The following GABRB3 variants were observed in gnomAD, a reference collection of about 807,000 sequenced individuals.
GABRB3 encodes the protein gamma-aminobutyric acid receptor subunit beta-3.
GABRB3 carries 14 observed loss-of-function variants against 52.1 expected under a neutral mutation model. That is an observed-to-expected ratio of 0.27 (90% CI 0.18 to 0.42). GABRB3 has a LOEUF of 0.42. Among genes scored for constraint, GABRB3 ranks in the 10% least tolerant of loss-of-function variants. The probability of loss-of-function intolerance (pLI) is 1.00; values close to 1 mark genes in which losing one functional copy is unlikely to be tolerated. For synonymous variants in GABRB3, 260 were observed against 232.3 expected (o/e 1.12, Z -1.08); for missense variants, 307 against 609.1 (o/e 0.50, Z 5.22).
At chr15:26,573,906 C>A (rs1890501625) in intron 6 of GABRB3, among the ~76,000 whole-genome samples, 1 of 152,050 alleles carries the variant, frequency 6.6e-6, no homozygotes, top group Non-Finnish European at 1.5e-5. Context: ...CAAAAATTAG[C>A]TGGGCATGGT....
At chr15:26,748,186 G>T (rs1890402616) in intron 3 of GABRB3, among the ~76,000 whole-genome samples, 2 of 151,910 alleles carry the variant, frequency 1.3e-5, no homozygotes, top group Admixed American at 6.6e-5. Context: ...ATTTCCTTTA[G>T]TACACTGTCT....
At chr15:26,641,101 G>T (rs1436459772) in intron 3 of GABRB3, among the ~76,000 whole-genome samples, 1 of 152,188 alleles carries the variant, frequency 6.6e-6, no homozygotes, top group Non-Finnish European at 1.5e-5. Context: ...TTGTCCAGGA[G>T]CAAGGTTAAA....
chr15:26,642,640 A>C, intron 3 of GABRB3: 1 of 498,450 alleles, frequency 2.0e-6, no homozygotes, highest in Non-Finnish European at 3.7e-6. Context: ...TGCATATATA[A>C]GCATATATGT....
At chr15:26,692,829 C>A (rs1888627645) in intron 3 of GABRB3, among the ~76,000 whole-genome samples, 1 of 152,186 alleles carries the variant, frequency 6.6e-6, no homozygotes, top group Non-Finnish European at 1.5e-5. Context: ...GAACTACACA[C>A]AATCAGACCA....
At chr15:26,584,053 G>T (rs1011315881) in intron 4 of GABRB3, among the ~76,000 whole-genome samples, 2 of 152,166 alleles carry the variant, frequency 1.3e-5, no homozygotes, top group Non-Finnish European at 2.9e-5. Flanking sequence ...TGAGATTACA[G>T]GCGTGAGCCA....
chr15:26,680,972 T>C (rs1888221588), intron 3 of GABRB3, among the ~76,000 whole-genome samples: 1 of 152,226 alleles, frequency 6.6e-6, no homozygotes, highest in Non-Finnish European at 1.5e-5. Flanking sequence ...GTAGCAGCCA[T>C]GAATGCGTGC....
intron 3 of GABRB3, among the ~76,000 whole-genome samples, chr15:26,700,314 CTCTA>C (rs930574940): frequency 5.9e-5 from 9 of 152,236 alleles, no homozygotes; most frequent in Middle Eastern, 3.4e-3. Flanking sequence ...ATGAATAAAC[CTCTA>C]TCTATCAAAG....
intron 8 of GABRB3, among the ~76,000 whole-genome samples, chr15:26,554,196 T>A (rs1214705543): frequency 4.9e-5 from 4 of 82,396 alleles, no homozygotes; most frequent in Admixed American, 1.7e-4. Flanking sequence ...ATATACTATA[T>A]ATATATATAT....
intron 3 of GABRB3, among the ~76,000 whole-genome samples, chr15:26,658,212 C>T (rs907730085): frequency 3.3e-5 from 5 of 152,264 alleles, no homozygotes; most frequent in South Asian, 2.1e-4. Context: ...ATTTCATCCC[C>T]GACTTGACTA....
intron 3 of GABRB3, among the ~76,000 whole-genome samples, chr15:26,737,088 T>C (rs967839419): frequency 3.9e-5 from 6 of 152,168 alleles, no homozygotes; most frequent in Non-Finnish European, 8.8e-5. Context: ...AGAGAAACTC[T>C]CTAGGTCTGT....
At chr15:26,671,197 A>G (rs1164286384) in intron 3 of GABRB3, among the ~76,000 whole-genome samples, 1 of 152,254 alleles carries the variant, frequency 6.6e-6, no homozygotes, top group African/African-American at 2.4e-5. Flanking sequence ...CAGAAGCTGA[A>G]TAACTGGTCA....
chr15:26,630,049 C>A (rs1892871011), intron 3 of GABRB3, among the ~76,000 whole-genome samples: 1 of 151,660 alleles, frequency 6.6e-6, no homozygotes. Context: ...TCTGCCACCC[C>A]ATTTACTCAG....
chr15:26,712,465 G>C (rs928216961), intron 3 of GABRB3, among the ~76,000 whole-genome samples: 1 of 152,116 alleles, frequency 6.6e-6, no homozygotes, highest in Non-Finnish European at 1.5e-5. Context: ...GGGTGGGCAG[G>C]AGTGGTGAGG....
chr15:26,606,794 A>G lies in GABRB3; in HGVS notation c.461+14520T>C, dbSNP rs551065949. 4.8e-5 allele frequency among the ~76,000 whole-genome samples: 7 copies of G among 144,954 alleles called. No individual in the cohort carries two copies. In the South Asian group the frequency reaches 1.1e-3, roughly 23 times the overall value. On this transcript the variant is annotated intron_variant, in intron 4 of 8. Coordinates refer to ENST00000311550, the MANE Select transcript of GABRB3 (RefSeq NM_000814.6). ...TATAGATAGATAGATATATCTATAG[A>G]TAGATATATCTATAGATAGATAGAT...
At chr15:26,721,081 C>T (rs1889631509) in intron 3 of GABRB3, among the ~76,000 whole-genome samples, 1 of 152,030 alleles carries the variant, frequency 6.6e-6, no homozygotes, top group Non-Finnish European at 1.5e-5. Flanking sequence ...ACAAGCTCTC[C>T]CTGAGGGGAC....
chr15:26,617,926 G>A (rs1892323050), intron 4 of GABRB3, among the ~76,000 whole-genome samples: 3 of 151,818 alleles, frequency 2.0e-5, no homozygotes, highest in Admixed American at 2.0e-4. Flanking sequence ...TTGCTTCAAA[G>A]AGAATAAAAC....
At position 26,632,448 on chromosome 15, in the gene GABRB3, TA is replaced by T. The variant is rs1340024000; in HGVS notation, c.241-10915del. ...AGCTATCTGAAAAGCTGGCATAGGA[TA>T]GGAATTATTTTGAAAATGTTTTTCT... On this transcript the variant is annotated intron_variant, in intron 3 of 8. Transcript: ENST00000311550. Among the ~76,000 whole-genome samples, 3 of 152,244 alleles carry T rather than the reference TA, an allele frequency of 2.0e-5. No individual in the cohort carries two copies. The South Asian group carries it at 6.2e-4, about 32-fold the overall frequency.
intron 3 of GABRB3, among the ~76,000 whole-genome samples, chr15:26,741,045 A>AGT (rs55860555): frequency 0.11 from 6,001 of 55,240 alleles, 245 homozygotes; most frequent in African/African-American, 0.15. Context: ...GGGAGGAATA[A>AGT]GTGTGTGTGT....
chr15:26,727,162 A>G (rs968535547), intron 3 of GABRB3, among the ~76,000 whole-genome samples: 3 of 152,182 alleles, frequency 2.0e-5, no homozygotes, highest in South Asian at 2.1e-4. Context: ...CGGTCTCAGG[A>G]AAAAAGAAAA....
Sources: gnomAD v4.1 joint callset for allele counts (sites outside exome capture counted in the v4.1 genomes callset) on GRCh38, gnomAD v4.1.1 for gene constraint, MANE v1.5 for transcripts, NCBI Gene and HGNC (gene_info 2026-07-23, HGNC 2026-07-21) for gene names.